Variants in ZEB1 observed in about 807,000 individuals in gnomAD.
The protein encoded by ZEB1 is zinc finger E-box binding homeobox 1, also known as zinc finger E-box-binding homeobox 1.
In ZEB1, 21 loss-of-function variants were observed where a neutral mutation model predicts 84.9. The ratio of observed to expected loss-of-function variants is 0.25; its 90% CI spans 0.18 to 0.36. ZEB1 has a LOEUF of 0.36. Among genes scored for constraint, ZEB1 ranks in the 10% least tolerant of loss-of-function variants. ZEB1 has a pLI of 1.00. For missense variants in ZEB1, 1,104 were observed against 1,330.2 expected (o/e 0.83, Z 2.65); for synonymous variants, 420 against 471.1 (o/e 0.89, Z 1.41).
intron 1 of ZEB1, chr10:31,358,721 G>C (rs2042513423): frequency 6.6e-6 from 1 of 152,206 alleles, no homozygotes; most frequent in South Asian, 2.1e-4. Context: ...AATTTTCTGT[G>C]TAGAAAATAC....
intron 1 of ZEB1, among the ~76,000 whole-genome samples, chr10:31,356,328 A>T (rs1376641479): frequency 1.3e-5 from 2 of 150,072 alleles, no homozygotes; most frequent in Non-Finnish European, 2.9e-5. Flanking sequence ...AAAACACATA[A>T]GTAATTTTGG....
intron 2 of ZEB1, among the ~76,000 whole-genome samples, chr10:31,488,359 A>C (rs2066016456): frequency 6.6e-6 from 1 of 151,116 alleles, no homozygotes; most frequent in African/African-American, 2.4e-5. Flanking sequence ...AATTGTTCAG[A>C]GCATTCCTTT....
At chr10:31,508,915 C>T (rs1198507349) in intron 4 of ZEB1, among the ~76,000 whole-genome samples, 1 of 152,100 alleles carries the variant, frequency 6.6e-6, no homozygotes, top group Non-Finnish European at 1.5e-5. Flanking sequence ...AAATTAGGGT[C>T]GCTGCCAGTG....
chr10:31,515,665 C>T lies in ZEB1; in HGVS notation c.793+957C>T, dbSNP rs530061025. On this transcript the variant is annotated intron_variant, in intron 6 of 8. Transcript: ENST00000424869. ...TTTCTAAAAGTTTTACTGTATTGCT[C>T]ATTAAGGCTAACCCTCAATGTTAAA... Among the ~76,000 whole-genome samples the T allele has an allele frequency of 3.0e-4, 46 of 152,128 alleles. 1 individual carries two copies. In the South Asian group the frequency reaches 9.5e-3, roughly 32 times the overall value.
At chr10:31,508,853 G>A (rs2069450364) in intron 4 of ZEB1, among the ~76,000 whole-genome samples, 1 of 152,262 alleles carries the variant, frequency 6.6e-6, no homozygotes, top group Non-Finnish European at 1.5e-5. Flanking sequence ...CTGTGGATGG[G>A]GTAGCCTGTC....
At chr10:31,514,852 AT>A in intron 6 of ZEB1, 144 bp downstream of exon 6, 1 of 673,200 alleles carries the variant, frequency 1.5e-6, no homozygotes, top group Non-Finnish European at 2.5e-6. Flanking sequence ...TTTTATGTTT[AT>A]TTTATGTTTT....
intron 2 of ZEB1, among the ~76,000 whole-genome samples, chr10:31,484,937 ATGT>A (rs2065526865): frequency 6.6e-6 from 1 of 151,882 alleles, no homozygotes; most frequent in South Asian, 2.1e-4. Flanking sequence ...TTTTGCAATG[ATGT>A]TGTAATTCTC....
At chr10:31,519,975 C>A in intron 6 of ZEB1, 151 bp from the exon 7 acceptor site, 3 of 1,031,650 alleles carry the variant, frequency 2.9e-6, no homozygotes, top group Non-Finnish European at 4.1e-6. Flanking sequence ...GGTTTTGAAG[C>A]TAAAAAGTTT....
chr10:31,338,619 T>G (rs550449991), intron 1 of ZEB1, among the ~76,000 whole-genome samples: 1 of 152,310 alleles, frequency 6.6e-6, no homozygotes, highest in African/African-American at 2.4e-5. Flanking sequence ...TTCCCTTTGT[T>G]TGATCTGAGA....
chr10:31,321,735 A>T, intron 1 of ZEB1: 3 of 700,616 alleles, frequency 4.3e-6, no homozygotes, highest in South Asian at 3.5e-5. Flanking sequence ...TATGAATATT[A>T]CACTCGTAAG....
At chr10:31,461,385 G>T in intron 2 of ZEB1, 148 bp downstream of exon 2, 1 of 804,762 alleles carries the variant, frequency 1.2e-6, no homozygotes, top group Non-Finnish European at 2.0e-6. Context: ...TTACTAAAAA[G>T]TGGATTATGA....
In ZEB1 at chr10:31,527,171, G is replaced by A. The variant is rs776512091; in HGVS notation, c.3285G>A (p.Lys1095=). The A allele has an allele frequency of 1.4e-5, 22 of 1,611,172 alleles. No individual in the cohort carries two copies. Among genetic ancestry groups the A allele is most frequent in the Non-Finnish European group, 1.8e-5 (21 of 1,178,586 alleles). ...AAGCAAAAACTGAAGGTCTGATGAA[G>A]GATGACAGGGCTGAAAGTCAAGCAA... is the stretch of plus-strand genomic sequence containing the variant. The part of the protein sequence containing the change: ...GEEAKTEGLM[K]DDRAESQASS... Residue 1095 remains lysine (K), a synonymous_variant, in exon 9 of 9, where the codon AAG becomes AAA. Transcript: ENST00000424869.
At chr10:31,426,902 C>G (rs1285728557) in intron 1 of ZEB1, among the ~76,000 whole-genome samples, 2 of 152,074 alleles carry the variant, frequency 1.3e-5, no homozygotes, top group Non-Finnish European at 2.9e-5. Context: ...TTCTGTATAA[C>G]TGAAGCAGTA....
chr10:31,432,729 G>A (rs2057865873), intron 1 of ZEB1, among the ~76,000 whole-genome samples: 1 of 152,064 alleles, frequency 6.6e-6, no homozygotes, highest in African/African-American at 2.4e-5. Flanking sequence ...TTTTGACTAT[G>A]TGGGTTATAT....
At chr10:31,342,254 C>G (rs560720998) in intron 1 of ZEB1, among the ~76,000 whole-genome samples, 1 of 151,966 alleles carries the variant, frequency 6.6e-6, no homozygotes, top group Non-Finnish European at 1.5e-5. Context: ...ATATGGAAAC[C>G]GGGTAAGAAG....
chr10:31,372,395 GC>G (rs760258844), intron 1 of ZEB1, among the ~76,000 whole-genome samples: 2 of 151,944 alleles, frequency 1.3e-5, no homozygotes, highest in Non-Finnish European at 2.9e-5. Context: ...TAATCATAAA[GC>G]CTATGGTCAA....
chr10:31,419,947 G>A (rs1249617261), intron 1 of ZEB1, among the ~76,000 whole-genome samples: 3 of 152,120 alleles, frequency 2.0e-5, no homozygotes, highest in Non-Finnish European at 4.4e-5. Context: ...TCTGGAATTA[G>A]CCTGTCTGTA....
chr10:31,443,563 TC>T (rs2059324813), intron 1 of ZEB1, among the ~76,000 whole-genome samples: 2 of 70,840 alleles, frequency 2.8e-5, no homozygotes, highest in Non-Finnish European at 5.5e-5. Context: ...CCCTCCCCCC[TC>T]CCCCCACCCC....
chr10:31,321,422 A>C, intron 1 of ZEB1: 13 of 1,611,240 alleles, frequency 8.1e-6, no homozygotes, highest in Non-Finnish European at 1.1e-5. Flanking sequence ...GACTTGTTAT[A>C]GCAAGGAGTG....
Sources: gnomAD v4.1 joint callset for allele counts (sites outside exome capture counted in the v4.1 genomes callset) on GRCh38, gnomAD v4.1.1 for gene constraint, MANE v1.5 for transcripts, NCBI Gene and HGNC (gene_info 2026-07-23, HGNC 2026-07-21) for gene names.